ZNF251: variants seen among roughly 807,000 people sequenced by gnomAD.
The protein encoded by ZNF251 is zinc finger protein 251.
A neutral mutation model predicts 13.5 loss-of-function variants in ZNF251; 14 were observed. The observed-to-expected ratio is 1.04, with a 90% CI of 0.69 to 1.63. The LOEUF (loss-of-function observed/expected upper bound fraction) is 1.63. Ranked by LOEUF, ZNF251 falls within the 40% of genes most tolerant of loss-of-function variation. The pLI is 0.00. For missense variants in ZNF251, 764 were observed against 834.9 expected, an observed-to-expected ratio of 0.92 and a Z score of 1.05; for synonymous variants, 287 against 295.2, an observed-to-expected ratio of 0.97 and a Z score of 0.28.
Position 144,723,323 on chromosome 8 carries a change from C to T in ZNF251, c.337G>A (p.Val113Ile). The part of the protein sequence containing the change: ...SILNQKFSEE[V>I]KTPEFVSRRL... ...CTTGATACAAATTCTGGGGTTTTTACTTCTTCGGAAAATTTTTGGTTTAAA... is the reference window on the plus strand; with the variant it reads ...CTTGATACAAATTCTGGGGTTTTTATTTCTTCGGAAAATTTTTGGTTTAAA... Residue 113 changes from valine (V) to isoleucine (I), a missense_variant, in exon 5 of 5, where the codon GTA becomes ATA. Coordinates refer to ENST00000292562, the MANE Select transcript of ZNF251 (RefSeq NM_138367.2). The T allele has an allele frequency of 6.5e-7, 1 of 1,547,322 alleles. No homozygotes were observed. The highest frequency in any genetic ancestry group is 8.7e-7 in the Non-Finnish European group (1 of 1,149,428).
rs773786729 is a variant in ZNF251 at position 144,754,253 on chromosome 8, G to A, written c.102C>T (p.Pro34=). ...CATCCCGGTAGAGCGCCCGCTGCTG[G>A]GGGCCCAGCTGCCGCCCCTCCGCCT... is the stretch of plus-strand genomic sequence containing the variant. The part of the protein sequence containing the change: ...FSQAEGRQLG[P]QQRALYRDVM... The change falls in exon 3 of 5, where the codon CCC becomes CCT. Residue 34 remains proline (P), a synonymous_variant. Transcript: ENST00000292562. The A allele has an allele frequency of 6.2e-7, 1 of 1,613,918 alleles. No individual in the cohort carries two copies. The highest frequency in any genetic ancestry group is 1.1e-5 in the South Asian group (1 of 91,060).
chr8:144,746,236 T>G (rs1824423716), intron 4 of ZNF251, among the ~76,000 whole-genome samples: 1 of 152,240 alleles, frequency 6.6e-6, no homozygotes. Flanking sequence ...CCGCATCTAC[T>G]GATATGACCA....
chr8:144,745,622 C>A (rs1378922603), intron 4 of ZNF251, among the ~76,000 whole-genome samples: 1 of 152,070 alleles, frequency 6.6e-6, no homozygotes, highest in East Asian at 1.9e-4. Flanking sequence ...TCATAACTTA[C>A]TGAAACCTCA....
chr8:144,744,056 C>T (rs575088477), intron 4 of ZNF251, among the ~76,000 whole-genome samples: 1 of 142,102 alleles, frequency 7.0e-6, no homozygotes, highest in African/African-American at 2.7e-5. Flanking sequence ...CTCTGTCACC[C>T]AGGCTGGAGT....
rs762284428 is a variant in ZNF251 at position 144,723,254 on chromosome 8, C to T, written c.406G>A (p.Ala136Thr). The change falls in exon 5 of 5, where the codon GCA (alanine) becomes ACA (threonine). Residue 136 changes from alanine (A) to threonine (T), a missense_variant. Physicochemically the swap from Ala to Thr is moderately conservative, Grantham distance 58. Coordinates refer to ENST00000292562, the MANE Select transcript of ZNF251 (RefSeq NM_138367.2). The stretch of plus-strand genomic sequence containing the variant: ...TTGAGTTTGCCCTCACGGCCCCATG[C>T]TTCCCGAAACTCAGCGGCCTGTGCA... ...DNAQAAEFRE[A>T]WGREGKLKER... The T allele has an allele frequency of 1.2e-6, 2 of 1,613,262 alleles. No homozygotes were observed. Among genetic ancestry groups the T allele is most frequent in the Non-Finnish European group, 1.7e-6 (2 of 1,179,608 alleles).
chr8:144,754,167 C>A (rs770316799), intron 3 of ZNF251, 25 bp downstream of exon 3: 27 of 1,602,210 alleles, frequency 1.7e-5, no homozygotes, highest in Non-Finnish European at 2.2e-5. Flanking sequence ...CCACTGCGAA[C>A]CAGGCCAAGT....
rs554260253 is a variant in ZNF251, at chr8:144,745,044, G to A, written c.277+8639C>T. Among the ~76,000 whole-genome samples, 4 of 152,102 alleles carry A rather than the reference G, an allele frequency of 2.6e-5. No individual in the cohort carries two copies. In the East Asian group the frequency reaches 5.8e-4, roughly 22 times the overall value. On this transcript the variant is annotated intron_variant, in intron 4 of 4. Coordinates refer to ENST00000292562, the MANE Select transcript of ZNF251 (RefSeq NM_138367.2). ...GCACCCCAGCCTGGGTGACCAGAACGAGACTCCATATGGAGGGGGACGGGG... is the reference window on the plus strand; with the variant it reads ...GCACCCCAGCCTGGGTGACCAGAACAAGACTCCATATGGAGGGGGACGGGG...
chr8:144,745,188 CTTTTTTTT>C (rs746070716), intron 4 of ZNF251, among the ~76,000 whole-genome samples: 3,844 of 114,612 alleles, frequency 0.034, 148 homozygotes, highest in African/African-American at 0.11. Flanking sequence ...TGTCTAGATT[CTTTTTTTT>C]TTTTTTTTTT....
chr8:144,726,090 G>A (rs912669927), intron 4 of ZNF251, among the ~76,000 whole-genome samples: 7 of 151,324 alleles, frequency 4.6e-5, no homozygotes, highest in African/African-American at 1.2e-4. Context: ...CTAGCTACTC[G>A]GGAGTCTGAG....
intron 4 of ZNF251, among the ~76,000 whole-genome samples, chr8:144,749,080 G>A (rs1043148400): frequency 1.1e-4 from 17 of 151,696 alleles, no homozygotes; most frequent in Admixed American, 4.6e-4. Flanking sequence ...TGGGAGGATC[G>A]CTTGAGCCCA....
chr8:144,740,895 C>G (rs965332332), intron 4 of ZNF251, among the ~76,000 whole-genome samples: 1 of 151,144 alleles, frequency 6.6e-6, no homozygotes, highest in Non-Finnish European at 1.5e-5. Context: ...ATGGCGCCAT[C>G]GCACTCCGGC....
At chr8:144,733,524 G>A (rs760997193) in intron 4 of ZNF251, among the ~76,000 whole-genome samples, 10 of 152,122 alleles carry the variant, frequency 6.6e-5, no homozygotes, top group South Asian at 2.1e-4. Flanking sequence ...AGAGGCCACC[G>A]CTACAACCCC....
intron 1 of ZNF251, chr8:144,755,027 G>A (rs190318696): frequency 1.5e-6 from 2 of 1,372,644 alleles, no homozygotes; most frequent in Non-Finnish European, 1.9e-6. Context: ...GGTGAAAGCT[G>A]GCAGTTCCCG....
Position 144,723,682 on chromosome 8 carries a change from C to T in ZNF251, c.278-300G>A, listed in dbSNP as rs370623340. 2.0e-5 allele frequency among the ~76,000 whole-genome samples: 3 copies of T among 152,170 alleles called. No homozygotes were observed. The East Asian group carries it at 5.8e-4, about 29-fold the overall frequency. The stretch of plus-strand genomic sequence containing the variant: ...AGGCGTGTTCTAGGTAAGGAATATA[C>T]AGGAAGGTAAATATAGTCTCTGATC... On this transcript the variant is annotated intron_variant, in intron 4 of 4. Coordinates refer to ENST00000292562, the MANE Select transcript of ZNF251 (RefSeq NM_138367.2).
rs887398003 is a variant in ZNF251, at chr8:144,734,363, G to C, written c.278-10981C>G. ...TCCCCCAACTCCAGCGGGTGTCACG[G>C]GTCTAATCCCTGGCACAAACCGGCT... On this transcript the variant is annotated intron_variant, in intron 4 of 4. Transcript: ENST00000292562. This position sits in a 1 kb window ranked among gnomAD's most constrained non-coding sequence, Gnocchi z 4.4. Among the ~76,000 whole-genome samples the C allele has an allele frequency of 6.6e-6, 1 of 152,196 alleles. No homozygotes were observed. The highest frequency in any genetic ancestry group is 1.5e-5 in the Non-Finnish European group (1 of 68,032).
chr8:144,746,489 A>G (rs889589021), intron 4 of ZNF251, among the ~76,000 whole-genome samples: 30 of 152,184 alleles, frequency 2.0e-4, no homozygotes, highest in African/African-American at 6.8e-4. Context: ...ATTTGGGTGG[A>G]TAACACTGAC....
chr8:144,752,753 C>G (rs780154786), intron 4 of ZNF251, among the ~76,000 whole-genome samples: 14 of 152,060 alleles, frequency 9.2e-5, no homozygotes, highest in Admixed American at 2.6e-4. Context: ...ACATACTTAA[C>G]TGGAGATATA....
At chr8:144,732,789 G>A (rs10108089) in intron 4 of ZNF251, among the ~76,000 whole-genome samples, 3,689 of 147,632 alleles carry the variant, frequency 0.025, 69 homozygotes, top group South Asian at 0.048. Context: ...TCCAGCCTGG[G>A]CGACAGAGCG....
chr8:144,722,416 C>A lies in ZNF251; in HGVS notation c.1244G>T (p.Gly415Val). 1 of 1,613,910 alleles carries A rather than the reference C, an allele frequency of 6.2e-7. No homozygotes were observed. Among genetic ancestry groups the A allele is most frequent in the Non-Finnish European group, 8.5e-7 (1 of 1,179,888 alleles). ...GTGTTCAGTAAGATGAGAGTTAAAA[C>A]CAAAGGCTCTGCCGCATTCATTACA... ...YVCNECGRAFGFNSHLTEHVR... is the reference protein window; with the variant it reads ...YVCNECGRAFVFNSHLTEHVR... Residue 415 changes from glycine to valine, a missense_variant, in exon 5 of 5, where the codon GGT becomes GTT. Physicochemically the swap from Gly to Val is moderately radical, Grantham distance 109 (BLOSUM62 -3). Transcript: ENST00000292562. The surrounding 1 kb of genome is among the most constrained non-coding windows in gnomAD (Gnocchi z 4.8).
Sources: gnomAD v4.1 joint callset for allele counts (sites outside exome capture counted in the v4.1 genomes callset) on GRCh38, gnomAD v4.1.1 for gene constraint, Gnocchi (gnomAD v3.1) non-coding constraint, MANE v1.5 for transcripts, NCBI Gene and HGNC (gene_info 2026-07-23, HGNC 2026-07-21) for gene names.